DROSHA: variants seen among roughly 807,000 people sequenced by gnomAD.
The protein encoded by DROSHA is drosha ribonuclease III.
In DROSHA, 56 loss-of-function variants were observed where a neutral mutation model predicts 181.9. The ratio of observed to expected loss-of-function variants is 0.31; its 90% confidence interval spans 0.25 to 0.38. DROSHA has a LOEUF of 0.38. Among genes scored for constraint, DROSHA ranks in the 10% least tolerant of loss-of-function variants. The probability of loss-of-function intolerance (pLI) is 1.00; values close to 1 mark genes in which losing one functional copy is unlikely to be tolerated. For missense variants in DROSHA, 1,218 were observed against 1,743.5 expected, an observed-to-expected ratio of 0.70 and a Z score of 5.37; for synonymous variants, 524 against 591.2, an observed-to-expected ratio of 0.89 and a Z score of 1.65.
At chr5:31,484,638 C>T (rs1751528711) in intron 15 of DROSHA, among the ~76,000 whole-genome samples, 1 of 152,140 alleles carries the variant, frequency 6.6e-6, no homozygotes, top group African/African-American at 2.4e-5. Context: ...CACATAATAA[C>T]TGGTACCATC....
At chr5:31,412,537 A>G (rs963299161) in intron 30 of DROSHA, among the ~76,000 whole-genome samples, 3 of 152,348 alleles carry the variant, frequency 2.0e-5, no homozygotes, top group East Asian at 3.9e-4. Context: ...CAATAGATAA[A>G]TAAGAAACAA....
At chr5:31,435,739 A>G (rs776696204) in intron 25 of DROSHA, 26 bp downstream of exon 25, 1 of 1,603,360 alleles carries the variant, frequency 6.2e-7, no homozygotes, top group Non-Finnish European at 8.5e-7. Flanking sequence ...AGACGTAACT[A>G]CAAATGCTGC....
chr5:31,460,360 T>C (rs1748269562), intron 20 of DROSHA, among the ~76,000 whole-genome samples: 1 of 152,182 alleles, frequency 6.6e-6, no homozygotes. Context: ...CCTCTTAACA[T>C]TGGCTGGGGC....
chr5:31,497,013 G>T (rs1033797163), intron 11 of DROSHA, among the ~76,000 whole-genome samples: 3 of 152,208 alleles, frequency 2.0e-5, no homozygotes, highest in African/African-American at 7.2e-5. Context: ...GGTGGTGACT[G>T]GTAATGCCTG....
intron 4 of DROSHA, 109 bp downstream of exon 4, chr5:31,528,931 T>A: frequency 1.4e-6 from 2 of 1,406,028 alleles, no homozygotes; most frequent in African/African-American, 1.4e-5. Context: ...GAGCACATTA[T>A]CCCCTCTCCC....
At chr5:31,455,447 T>C (rs1747542689) in intron 20 of DROSHA, among the ~76,000 whole-genome samples, 1 of 151,094 alleles carries the variant, frequency 6.6e-6, no homozygotes, top group Non-Finnish European at 1.5e-5. Context: ...AAAAAGAAAA[T>C]TTCCTGAGAT....
At chr5:31,506,144 T>A (rs942319437) in intron 10 of DROSHA, among the ~76,000 whole-genome samples, 2 of 152,144 alleles carry the variant, frequency 1.3e-5, no homozygotes, top group African/African-American at 4.8e-5. Flanking sequence ...ACGGATCACC[T>A]GAGGTCAAGA....
intron 20 of DROSHA, among the ~76,000 whole-genome samples, chr5:31,454,784 C>G (rs980407648): frequency 1.3e-5 from 2 of 151,580 alleles, no homozygotes; most frequent in African/African-American, 4.8e-5. Flanking sequence ...ACTAAAAACA[C>G]AAAAAATTAG....
At position 31,515,013 on chromosome 5, in the gene DROSHA, T is replaced by C; in HGVS notation, c.1265A>G (p.Tyr422Cys). The C allele has an allele frequency of 6.2e-7, 1 of 1,613,788 alleles. No homozygotes were observed. The highest frequency in any genetic ancestry group is 8.5e-7 in the Non-Finnish European group (1 of 1,179,846). ...CACCTGATCCATGGGGTCACTGGAGTAGTAGTTTTCTGAATGAGTGCATCG... is the reference window on the plus strand; with the variant it reads ...CACCTGATCCATGGGGTCACTGGAGCAGTAGTTTTCTGAATGAGTGCATCG... ...WIRCTHSENY[Y>C]SSDPMDQVGD... The change falls in exon 8 of 36, where the codon TAC (tyrosine) becomes TGC (cysteine). Residue 422 changes from tyrosine (Y) to cysteine (C), a missense_variant. This residue lies in a region of DROSHA where 460 missense variants were observed against 774.2 expected (regional missense o/e 0.59). Coordinates refer to ENST00000344624, the MANE Select transcript of DROSHA (RefSeq NM_001382508.1).
In DROSHA at chr5:31,409,957, A is replaced by G. The variant is rs1402816185; in HGVS notation, c.3668-625T>C. On this transcript the variant is annotated intron_variant, in intron 31 of 35. Transcript: ENST00000344624. This position sits in a 1 kb window ranked among gnomAD's most constrained non-coding sequence, Gnocchi z 4.0. ...CATTTTCAAAAGAAGGAATAAAAATAGCTTTCATTGAGCTAAAAAAAAAAA... is the reference window on the plus strand; with the variant it reads ...CATTTTCAAAAGAAGGAATAAAAATGGCTTTCATTGAGCTAAAAAAAAAAA... Among the ~76,000 whole-genome samples the G allele has an allele frequency of 7.0e-6, 1 of 142,300 alleles. No individual in the cohort carries two copies. Among genetic ancestry groups the G allele is most frequent in the East Asian group, 2.2e-4 (1 of 4,504 alleles). The allele number at this position is 142,300 out of a possible 152,430, so 93.4% of individuals were successfully genotyped here. A position where few individuals can be genotyped will look rare whatever the true frequency, so the allele number is the denominator to read the frequency against.
At chr5:31,413,084 G>A (rs1020390038) in intron 30 of DROSHA, among the ~76,000 whole-genome samples, 6 of 152,140 alleles carry the variant, frequency 3.9e-5, no homozygotes, top group African/African-American at 7.2e-5. Context: ...CCTCACTGGC[G>A]GCCAGGCCCC....
rs369927219 is a variant in DROSHA at position 31,407,672 on chromosome 5, G to A, written c.3855-727C>T. On this transcript the variant is annotated intron_variant, in intron 33 of 35. Coordinates refer to ENST00000344624, the MANE Select transcript of DROSHA (RefSeq NM_001382508.1). Reference sequence around the variant, plus strand: ...CCATGTAAAACAACCCCATGATCTTGATAAAATGAGCAAACTCATCTTGTA... The same window carrying A: ...CCATGTAAAACAACCCCATGATCTTAATAAAATGAGCAAACTCATCTTGTA... Among the ~76,000 whole-genome samples, 8 of 152,282 alleles carry A rather than the reference G, an allele frequency of 5.3e-5. No homozygotes were observed. The East Asian group carries it at 1.3e-3, about 26-fold the overall frequency.
rs781764729 is a variant in DROSHA, at chr5:31,486,494, C to T, written c.1911G>A (p.Pro637=). 16 of 1,613,494 alleles carry T rather than the reference C, an allele frequency of 9.9e-6. No homozygotes were observed. The highest frequency in any genetic ancestry group is 1.7e-4 in the Middle Eastern group (1 of 6,060). Residue 637 remains proline (P), a synonymous_variant, in exon 14 of 36, where the codon CCG becomes CCA. Transcript: ENST00000344624. ...YTIHFIEEMM[P]ENFCVKGLEL... ...CACACACAATCTTTTCCCTTACCTC[C>T]GGCATCATCTCTTCAATGAAATGAA... is the stretch of plus-strand genomic sequence containing the variant.
At chr5:31,507,877 C>T (rs1271560806) in intron 10 of DROSHA, among the ~76,000 whole-genome samples, 1 of 152,104 alleles carries the variant, frequency 6.6e-6, no homozygotes, top group Non-Finnish European at 1.5e-5. Flanking sequence ...AAAAGGAACA[C>T]ACAAAATACA....
Position 31,531,258 on chromosome 5 carries a change from G to A in DROSHA, c.-174+192C>T, listed in dbSNP as rs369602792. The stretch of plus-strand genomic sequence containing the variant: ...AAGGTGTGTGCCGCACCTAGAGGTG[G>A]GCAAAAGTCAGGGTCACGAACACTC... On this transcript the variant is annotated intron_variant, in intron 2 of 35. Coordinates refer to ENST00000344624, the MANE Select transcript of DROSHA (RefSeq NM_001382508.1). Among the ~76,000 whole-genome samples, 73 of 152,298 alleles carry A rather than the reference G, an allele frequency of 4.8e-4. No homozygotes were observed. In the East Asian group the frequency reaches 0.012, roughly 25 times the overall value.
intron 8 of DROSHA, among the ~76,000 whole-genome samples, chr5:31,513,245 G>C (rs1738893202): frequency 1.3e-5 from 2 of 152,184 alleles, no homozygotes; most frequent in Non-Finnish European, 2.9e-5. Flanking sequence ...AGGCCTGCTA[G>C]TCCTGCATCA....
chr5:31,531,848 T>C (rs958958935), intron 1 of DROSHA, 142 bp downstream of exon 1: 1 of 154,676 alleles, frequency 6.5e-6, no homozygotes, highest in Admixed American at 6.4e-5. Context: ...CGTCGCTCTT[T>C]TGCCCTTAGC....
At chr5:31,438,899 T>C (rs1010284427) in intron 23 of DROSHA, among the ~76,000 whole-genome samples, 3 of 151,984 alleles carry the variant, frequency 2.0e-5, no homozygotes, top group African/African-American at 7.3e-5. Flanking sequence ...ACGAAGCCAG[T>C]ATGCTGTCCT....
At chr5:31,495,745 G>A (rs1182999361) in intron 11 of DROSHA, among the ~76,000 whole-genome samples, 2 of 152,226 alleles carry the variant, frequency 1.3e-5, no homozygotes, top group Non-Finnish European at 2.9e-5. Flanking sequence ...AAGACTTGGT[G>A]TTCTTCCATC....
Sources: gnomAD v4.1 joint callset for allele counts (sites outside exome capture counted in the v4.1 genomes callset) on GRCh38, gnomAD v4.1.1 for gene constraint, gnomAD v4.1.1 regional missense constraint, Gnocchi (gnomAD v3.1) non-coding constraint, MANE v1.5 for transcripts, NCBI Gene and HGNC (gene_info 2026-07-23, HGNC 2026-07-21) for gene names.